Variants in SHISA6 observed in about 807,000 individuals in gnomAD.
The protein encoded by SHISA6 is protein shisa-6.
In SHISA6, 22 loss-of-function variants were observed where a neutral mutation model predicts 47.9. The observed-to-expected ratio is 0.46, with a 90% CI of 0.33 to 0.66. The LOEUF is 0.66. SHISA6 is among the 30% of genes least tolerant of loss of function. SHISA6 has a pLI of 0.02. For missense variants in SHISA6, 680 were observed against 764.6 expected, an observed-to-expected ratio of 0.89 and a Z score of 1.30; for synonymous variants, 388 against 337.8, an observed-to-expected ratio of 1.15 and a Z score of -1.63.
intron 3 of SHISA6, among the ~76,000 whole-genome samples, chr17:11,502,205 C>G (rs923145127): frequency 2.7e-5 from 4 of 147,988 alleles, no homozygotes; most frequent in South Asian, 4.3e-4. Context: ...GTCAGGAGAT[C>G]GAGACCATCC....
intron 3 of SHISA6, among the ~76,000 whole-genome samples, chr17:11,509,685 G>C (rs545857974): frequency 1.3e-5 from 2 of 152,282 alleles, no homozygotes; most frequent in African/African-American, 4.8e-5. Context: ...ATTAACCTCT[G>C]CAACAGCAAG....
chr17:11,369,787 T>G (rs1032364583), intron 2 of SHISA6, among the ~76,000 whole-genome samples: 3 of 152,182 alleles, frequency 2.0e-5, no homozygotes, highest in Non-Finnish European at 4.4e-5. Context: ...AGACAAGAAT[T>G]TGGTTAAGCT....
intron 3 of SHISA6, among the ~76,000 whole-genome samples, chr17:11,457,665 C>T (rs1199924962): frequency 4.7e-5 from 7 of 148,234 alleles, no homozygotes; most frequent in East Asian, 2.0e-4. Context: ...CGCTTGAACC[C>T]GGGTGGTGGA....
At chr17:11,359,652 A>G (rs1039702737) in intron 2 of SHISA6, among the ~76,000 whole-genome samples, 3 of 152,192 alleles carry the variant, frequency 2.0e-5, no homozygotes, top group African/African-American at 4.8e-5. Context: ...GAGTATTTCA[A>G]ACTCTTAGTT....
intron 2 of SHISA6, among the ~76,000 whole-genome samples, chr17:11,330,523 A>G (rs1911063952): frequency 6.8e-6 from 1 of 147,680 alleles, no homozygotes; most frequent in Non-Finnish European, 1.5e-5. Flanking sequence ...AGAAGATTAT[A>G]GATAGGAAAG....
At chr17:11,462,934 G>A (rs1466410556) in intron 3 of SHISA6, among the ~76,000 whole-genome samples, 4 of 152,294 alleles carry the variant, frequency 2.6e-5, no homozygotes, top group Admixed American at 1.3e-4. Context: ...ATCCATTGAG[G>A]TAGGATAAAA....
intron 2 of SHISA6, among the ~76,000 whole-genome samples, chr17:11,361,120 A>C (rs1912267308): frequency 6.6e-6 from 1 of 151,314 alleles, no homozygotes; most frequent in Non-Finnish European, 1.5e-5. Flanking sequence ...TCATAGCCTT[A>C]CGTCATATCT....
intron 2 of SHISA6, among the ~76,000 whole-genome samples, chr17:11,332,930 A>G (rs1045730770): frequency 6.6e-6 from 1 of 152,136 alleles, no homozygotes; most frequent in African/African-American, 2.4e-5. Flanking sequence ...GGTAGAAGTC[A>G]AACTGCCAGT....
At chr17:11,485,577 G>A (rs1343085888) in intron 3 of SHISA6, among the ~76,000 whole-genome samples, 3 of 152,086 alleles carry the variant, frequency 2.0e-5, no homozygotes, top group Admixed American at 6.6e-5. Context: ...TCTGGCCAAC[G>A]TAGACGGCCA....
At chr17:11,439,916 T>C (rs1915053007) in intron 3 of SHISA6, among the ~76,000 whole-genome samples, 1 of 152,200 alleles carries the variant, frequency 6.6e-6, no homozygotes, top group Admixed American at 6.5e-5. Flanking sequence ...TCACTCTCTA[T>C]TTTAATTTGC....
intron 2 of SHISA6, among the ~76,000 whole-genome samples, chr17:11,277,333 A>T (rs539290953): frequency 6.8e-6 from 1 of 146,808 alleles, no homozygotes; most frequent in African/African-American, 2.6e-5. Flanking sequence ...GCATGTACGT[A>T]TACAGACTTT....
intron 3 of SHISA6, among the ~76,000 whole-genome samples, chr17:11,412,679 C>T (rs879112226): frequency 2.0e-5 from 3 of 151,956 alleles, no homozygotes; most frequent in South Asian, 2.1e-4. Flanking sequence ...GTAGCTGGGA[C>T]TACAGGCACC....
chr17:11,534,918 A>C (rs1191747677), intron 3 of SHISA6, among the ~76,000 whole-genome samples: 1 of 152,108 alleles, frequency 6.6e-6, no homozygotes, highest in African/African-American at 2.4e-5. Context: ...TCACGAGGTC[A>C]AGAGATTGAG....
chr17:11,552,042 C>T (rs2969191), intron 4 of SHISA6, 90 bp downstream of exon 4: 623,445 of 1,344,938 alleles, frequency 0.46, 151,472 homozygotes, highest in African/African-American at 0.77. Flanking sequence ...ATCAAACACA[C>T]GGTCATAAAC....
chr17:11,337,919 A>G (rs1393109699), intron 2 of SHISA6, among the ~76,000 whole-genome samples: 1 of 152,330 alleles, frequency 6.6e-6, no homozygotes, highest in East Asian at 1.9e-4. Flanking sequence ...AAGATGTGTT[A>G]CTTGTTACCA....
chr17:11,474,157 GAATT>G (rs1400500826), intron 3 of SHISA6, among the ~76,000 whole-genome samples: 6 of 151,866 alleles, frequency 4.0e-5, no homozygotes, highest in Admixed American at 3.9e-4. Context: ...CACAATGGTT[GAATT>G]AATTTACACT....
intron 3 of SHISA6, among the ~76,000 whole-genome samples, chr17:11,506,810 ACAAAACAAAGTTCAG>A (rs1242082446): frequency 1.3e-5 from 2 of 152,226 alleles, no homozygotes; most frequent in African/African-American, 4.8e-5. Context: ...TTCAAGTTTT[ACAAAACAAAGTTCAG>A]GACCTAGGAC....
chr17:11,405,140 G>A (rs1172628967), intron 3 of SHISA6, among the ~76,000 whole-genome samples: 1 of 152,164 alleles, frequency 6.6e-6, no homozygotes, highest in African/African-American at 2.4e-5. Flanking sequence ...ATCTATAGAA[G>A]TAAGGCTATG....
chr17:11,286,543 A>G (rs1373917656), intron 2 of SHISA6, among the ~76,000 whole-genome samples: 1 of 152,098 alleles, frequency 6.6e-6, no homozygotes, highest in Non-Finnish European at 1.5e-5. Context: ...GACCCAAGTT[A>G]TGCATTTGAA....
Sources: gnomAD v4.1 joint callset for allele counts (sites outside exome capture counted in the v4.1 genomes callset) on GRCh38, gnomAD v4.1.1 for gene constraint, MANE v1.5 for transcripts, NCBI Gene and HGNC (gene_info 2026-07-23, HGNC 2026-07-21) for gene names.